UBE2G1: variants seen among roughly 807,000 people sequenced by gnomAD.
The protein encoded by UBE2G1 is ubiquitin conjugating enzyme E2 G1, also known as ubiquitin-conjugating enzyme E2 G1.
In UBE2G1, 5 loss-of-function variants were observed where a neutral mutation model predicts 22.7. That is an observed-to-expected ratio of 0.22 (90% confidence interval 0.12 to 0.46). UBE2G1 has a LOEUF of 0.46. Ranked by LOEUF, UBE2G1 falls within the 20% of genes least tolerant of loss-of-function variation. The pLI is 0.99. For synonymous variants in UBE2G1, 74 were observed against 67.5 expected (o/e 1.10, Z -0.47); for missense variants, 88 against 203.9 (o/e 0.43, Z 3.46).
In UBE2G1 at chr17:4,363,486, CA is replaced by C; in HGVS notation, c.46+2784del. Among the ~76,000 whole-genome samples, 3 of 151,768 alleles carry C rather than the reference CA, an allele frequency of 2.0e-5. No homozygotes were observed. The East Asian group carries it at 5.8e-4, about 29-fold the overall frequency. The stretch of plus-strand genomic sequence containing the variant: ...TATTAATATTTGCTATATACATTGT[CA>C]AAAAAAAGTGCAAAACGGAACCAGA... On this transcript the variant is annotated intron_variant, in intron 1 of 5. Coordinates refer to ENST00000396981, the MANE Select transcript of UBE2G1 (RefSeq NM_003342.5).
At chr17:4,346,209 C>A (rs1021854476) in intron 1 of UBE2G1, among the ~76,000 whole-genome samples, 8 of 152,088 alleles carry the variant, frequency 5.3e-5, no homozygotes, top group African/African-American at 1.9e-4. Context: ...AATGTTAGTA[C>A]TAACCAACAA....
chr17:4,300,749 G>A (rs886775921), intron 2 of UBE2G1, among the ~76,000 whole-genome samples: 3 of 151,484 alleles, frequency 2.0e-5, no homozygotes. Context: ...TAGATCATGA[G>A]GTCAGGAGTT....
intron 1 of UBE2G1, among the ~76,000 whole-genome samples, chr17:4,312,649 T>A (rs1969323603): frequency 7.8e-6 from 1 of 128,204 alleles, no homozygotes; most frequent in Admixed American, 1.0e-4. Flanking sequence ...TGAGCCGAGA[T>A]CGCGCCACTG....
chr17:4,289,688 AT>A (rs1444176465), intron 3 of UBE2G1, among the ~76,000 whole-genome samples: 3 of 152,210 alleles, frequency 2.0e-5, no homozygotes, highest in Non-Finnish European at 4.4e-5. Flanking sequence ...GGTGCCTAAC[AT>A]TTACATGTCT....
intron 1 of UBE2G1, among the ~76,000 whole-genome samples, chr17:4,333,657 T>C (rs1347942411): frequency 2.0e-5 from 3 of 151,746 alleles, no homozygotes; most frequent in African/African-American, 7.3e-5. Flanking sequence ...CCGTCTCTAC[T>C]AAAAATACAA....
At chr17:4,351,922 A>G (rs1057406213) in intron 1 of UBE2G1, among the ~76,000 whole-genome samples, 2 of 152,186 alleles carry the variant, frequency 1.3e-5, no homozygotes, top group African/African-American at 4.8e-5. Context: ...TTCCCCTTCC[A>G]AAAGTTACAA....
chr17:4,317,905 A>G (rs1451583271), intron 1 of UBE2G1, among the ~76,000 whole-genome samples: 1 of 152,264 alleles, frequency 6.6e-6, no homozygotes, highest in Non-Finnish European at 1.5e-5. Flanking sequence ...ACACTAGTTT[A>G]TAGTGTCACA....
intron 3 of UBE2G1, among the ~76,000 whole-genome samples, chr17:4,294,415 CAAAAAAAAA>C: frequency 8.5e-6 from 1 of 117,178 alleles, no homozygotes; most frequent in African/African-American, 4.4e-5. Flanking sequence ...GACTCCGTCT[CAAAAAAAAA>C]AAAAAAAAAA....
At chr17:4,311,028 T>C (rs1482128309) in intron 1 of UBE2G1, among the ~76,000 whole-genome samples, 1 of 151,486 alleles carries the variant, frequency 6.6e-6, no homozygotes, top group Non-Finnish European at 1.5e-5. Flanking sequence ...CTGGGCAACA[T>C]GGCAAACCCC....
At position 4,326,232 on chromosome 17, in the gene UBE2G1, A is replaced by G. The variant is rs183532819; in HGVS notation, c.47-19109T>C. On this transcript the variant is annotated intron_variant, in intron 1 of 5. Transcript: ENST00000396981. ...TATCCAGAATACAAAAAGAACTCAT[A>G]CAACTCAATAACAACAAGAAAACCA... 7.9e-5 allele frequency among the ~76,000 whole-genome samples: 12 copies of G among 152,360 alleles called. No individual in the cohort carries two copies. The East Asian group carries it at 2.3e-3, about 29-fold the overall frequency.
At chr17:4,310,658 CT>C (rs1359830329) in intron 1 of UBE2G1, among the ~76,000 whole-genome samples, 1 of 152,108 alleles carries the variant, frequency 6.6e-6, no homozygotes, top group Non-Finnish European at 1.5e-5. Flanking sequence ...AAGGGTGGTT[CT>C]TTTTTTCTTT....
intron 1 of UBE2G1, among the ~76,000 whole-genome samples, chr17:4,344,453 T>C (rs919788089): frequency 6.6e-6 from 1 of 151,118 alleles, no homozygotes; most frequent in Non-Finnish European, 1.5e-5. Context: ...GGCAGGAGAA[T>C]CTCTTGAACC....
At chr17:4,360,488 CAATAT>C (rs778907956) in intron 1 of UBE2G1, among the ~76,000 whole-genome samples, 1 of 152,116 alleles carries the variant, frequency 6.6e-6, no homozygotes, top group Non-Finnish European at 1.5e-5. Flanking sequence ...CAAAAGGCAA[CAATAT>C]AATGATAGTC....
chr17:4,318,379 C>T (rs993541862), intron 1 of UBE2G1, among the ~76,000 whole-genome samples: 1 of 150,280 alleles, frequency 6.7e-6, no homozygotes, highest in African/African-American at 2.5e-5. Context: ...GCCCCCGGTA[C>T]CCCAAGGCCA....
chr17:4,282,226 G>A (rs923215716), intron 5 of UBE2G1, among the ~76,000 whole-genome samples: 3 of 152,126 alleles, frequency 2.0e-5, no homozygotes, highest in Non-Finnish European at 4.4e-5. Context: ...GGGATTACAG[G>A]CACACGCCAC....
chr17:4,293,784 T>C (rs1306921307), intron 3 of UBE2G1, among the ~76,000 whole-genome samples: 1 of 152,222 alleles, frequency 6.6e-6, no homozygotes, highest in Non-Finnish European at 1.5e-5. Flanking sequence ...AATCCTAAAC[T>C]CTTACTTCTC....
chr17:4,288,165 C>G (rs1435482893), intron 4 of UBE2G1, among the ~76,000 whole-genome samples: 1 of 152,160 alleles, frequency 6.6e-6, no homozygotes, highest in Non-Finnish European at 1.5e-5. Context: ...GTTCATTTAA[C>G]TAATACATTT....
At chr17:4,340,873 C>T (rs1005588061) in intron 1 of UBE2G1, among the ~76,000 whole-genome samples, 1 of 148,056 alleles carries the variant, frequency 6.8e-6, no homozygotes, top group African/African-American at 2.5e-5. Flanking sequence ...CTTCCACACC[C>T]GGCCCCTTAA....
Position 4,366,275 on chromosome 17 carries a change from C to T in UBE2G1, c.42G>A (p.Leu14=). The T allele has an allele frequency of 6.4e-7, 1 of 1,555,354 alleles. No homozygotes were observed. The highest frequency in any genetic ancestry group is 8.6e-7 in the Non-Finnish European group (1 of 1,160,136). ...LQSALLLRRQ[L]AELNKNPVEG... ...CCCCGCCGCCCGCCTGCTCACCTGCCAGCTGTCTTCGCAGTAGCAGTGCCG... is the reference window on the plus strand; with the variant it reads ...CCCCGCCGCCCGCCTGCTCACCTGCTAGCTGTCTTCGCAGTAGCAGTGCCG... Residue 14 remains leucine (L), a synonymous_variant, in exon 1 of 6, where the codon CTG becomes CTA. Coordinates refer to ENST00000396981, the MANE Select transcript of UBE2G1 (RefSeq NM_003342.5).
Sources: gnomAD v4.1 joint callset for allele counts (sites outside exome capture counted in the v4.1 genomes callset) on GRCh38, gnomAD v4.1.1 for gene constraint, MANE v1.5 for transcripts, NCBI Gene and HGNC (gene_info 2026-07-23, HGNC 2026-07-21) for gene names.